The following SLC16A7 variants were observed in gnomAD, a reference collection of about 807,000 sequenced individuals.
SLC16A7 encodes monocarboxylate transporter 2.
A neutral mutation model predicts 34.9 loss-of-function variants in SLC16A7; 33 were observed. The observed-to-expected ratio is 0.94, with a 90% CI of 0.72 to 1.26. The LOEUF (loss-of-function observed/expected upper bound fraction) is 1.26, where lower values mean the gene tolerates loss of function less well. Ranked by LOEUF, SLC16A7 falls within the 50% of genes most tolerant of loss-of-function variation. The probability of loss-of-function intolerance (pLI) is 0.00; values close to 1 mark genes in which losing one functional copy is unlikely to be tolerated. For synonymous variants in SLC16A7, 201 were observed against 206.6 expected (o/e 0.97, Z 0.23); for missense variants, 573 against 578.1 (o/e 0.99, Z 0.09).
intron 1 of SLC16A7, among the ~76,000 whole-genome samples, chr12:59,607,347 TA>T (rs1878992847): frequency 6.6e-6 from 1 of 152,154 alleles, no homozygotes; most frequent in Non-Finnish European, 1.5e-5. Context: ...CACCAATAGA[TA>T]AATTAAAAGT....
At chr12:59,679,096 C>A (rs549902330) in intron 2 of SLC16A7, among the ~76,000 whole-genome samples, 1 of 152,196 alleles carries the variant, frequency 6.6e-6, no homozygotes, top group South Asian at 2.1e-4. Context: ...AGGGGCCTTC[C>A]TAGGCCCCCA....
intron 1 of SLC16A7, among the ~76,000 whole-genome samples, chr12:59,641,660 C>A (rs923026370): frequency 6.6e-6 from 1 of 151,886 alleles, no homozygotes; most frequent in Non-Finnish European, 1.5e-5. Flanking sequence ...AGCCATTTTA[C>A]ATGGATATTT....
At chr12:59,654,423 G>A (rs1034775997) in intron 1 of SLC16A7, among the ~76,000 whole-genome samples, 3 of 151,490 alleles carry the variant, frequency 2.0e-5, no homozygotes, top group African/African-American at 7.3e-5. Context: ...CAATTTTGGG[G>A]TAAATACTAG....
At position 59,720,305 on chromosome 12, in the gene SLC16A7, T is replaced by A. The variant is rs553469058; in HGVS notation, c.217+15287T>A. 4 of 516,138 alleles carry A rather than the reference T, an allele frequency of 7.7e-6. No homozygotes were observed. The Admixed American group carries it at 1.2e-4, about 15-fold the overall frequency. 32.0% of individuals were successfully genotyped at this position (516,138 alleles called of 1,614,324 possible). ...AAATTTGGTCTATGTTTTCTTGAAA[T>A]AGGTTTTTAGTCTTGTGAGACCATA... On this transcript the variant is annotated intron_variant, in intron 3 of 5. Coordinates refer to ENST00000547379, the MANE Select transcript of SLC16A7 (RefSeq NM_001270623.2).
chr12:59,742,441 C>A (rs1034769127), intron 3 of SLC16A7, among the ~76,000 whole-genome samples: 2 of 152,078 alleles, frequency 1.3e-5, no homozygotes, highest in African/African-American at 2.4e-5. Flanking sequence ...GGAGAAAAGC[C>A]CACTCTTGCC....
chr12:59,656,274 A>T (rs554167977), intron 2 of SLC16A7, among the ~76,000 whole-genome samples: 1 of 152,074 alleles, frequency 6.6e-6, no homozygotes, highest in South Asian at 2.1e-4. Context: ...GTTATGTTAC[A>T]TGGTAAAGGG....
At position 59,787,673 on chromosome 12, in the gene SLC16A7, A is replaced by G. The variant is rs972667336; in HGVS notation, c.*7994A>G. 3.3e-5 allele frequency: 5 copies of G among 152,222 alleles called. No homozygotes were observed. The highest frequency in any genetic ancestry group is 7.3e-5 in the Non-Finnish European group (5 of 68,036). The allele number at this position is 152,222 out of a possible 1,614,324, so 9.4% of individuals were successfully genotyped here. A position where few individuals can be genotyped will look rare whatever the true frequency, so the allele number is the denominator to read the frequency against. ...TCATCAAGATATTTACCCTAAAAAC[A>G]CATTTTAATAAAAATTTGGGTAAAC... On this transcript the variant is annotated 3_prime_UTR_variant, in exon 6 of 6. Coordinates refer to ENST00000547379, the MANE Select transcript of SLC16A7 (RefSeq NM_001270623.2).
chr12:59,718,469 T>G (rs1353037325), intron 3 of SLC16A7, among the ~76,000 whole-genome samples: 1 of 152,144 alleles, frequency 6.6e-6, no homozygotes, highest in African/African-American at 2.4e-5. Context: ...TTCCTACTAA[T>G]TGGAATTTTG....
At chr12:59,608,615 G>A (rs1188844721) in intron 1 of SLC16A7, among the ~76,000 whole-genome samples, 1 of 152,086 alleles carries the variant, frequency 6.6e-6, no homozygotes, top group Non-Finnish European at 1.5e-5. Context: ...TAATGTCCTG[G>A]TACAGGAGGA....
chr12:59,753,479 T>G (rs1248496892), intron 3 of SLC16A7, among the ~76,000 whole-genome samples: 1 of 152,084 alleles, frequency 6.6e-6, no homozygotes, highest in Non-Finnish European at 1.5e-5. Flanking sequence ...AAACAGACTT[T>G]AAACCAACAA....
chr12:59,720,638 A>C (rs908794295), intron 3 of SLC16A7, among the ~76,000 whole-genome samples: 1 of 151,546 alleles, frequency 6.6e-6, no homozygotes, highest in Admixed American at 6.6e-5. Flanking sequence ...TCTCCTCCCC[A>C]CTCCTTGTCT....
At chr12:59,676,102 T>C (rs1422994847) in intron 2 of SLC16A7, among the ~76,000 whole-genome samples, 1 of 152,184 alleles carries the variant, frequency 6.6e-6, no homozygotes, top group Non-Finnish European at 1.5e-5. Flanking sequence ...ATATGACTTA[T>C]GGCTTTCTTG....
chr12:59,764,236 G>C (rs1881306297), intron 3 of SLC16A7, among the ~76,000 whole-genome samples: 1 of 152,138 alleles, frequency 6.6e-6, no homozygotes, highest in Admixed American at 6.6e-5. Flanking sequence ...CTAAGCCAGA[G>C]CCTAATCCAG....
At chr12:59,729,984 T>G (rs1876741975) in intron 3 of SLC16A7, among the ~76,000 whole-genome samples, 3 of 152,172 alleles carry the variant, frequency 2.0e-5, no homozygotes, top group African/African-American at 7.2e-5. Flanking sequence ...CTGAGTAGTC[T>G]GCAAGCTTTC....
At chr12:59,599,801 T>G (rs1051665982) in intron 1 of SLC16A7, among the ~76,000 whole-genome samples, 1 of 152,378 alleles carries the variant, frequency 6.6e-6, no homozygotes, top group Admixed American at 6.5e-5. Flanking sequence ...TCATCTGAAC[T>G]ACTTCGTAAC....
At chr12:59,771,419 T>C (rs1194982291) in intron 4 of SLC16A7, 57 bp downstream of exon 4, 2 of 1,186,632 alleles carry the variant, frequency 1.7e-6, no homozygotes, top group Non-Finnish European at 2.3e-6. Flanking sequence ...CAAAGCTCTA[T>C]GAGAAGAATG....
intron 3 of SLC16A7, among the ~76,000 whole-genome samples, chr12:59,770,076 AAC>A (rs1382364262): frequency 6.6e-6 from 1 of 152,146 alleles, no homozygotes; most frequent in Admixed American, 6.6e-5. Flanking sequence ...ACTGAAGTAA[AAC>A]ACAGTTTCTT....
At chr12:59,616,849 A>T (rs925292528) in intron 1 of SLC16A7, among the ~76,000 whole-genome samples, 1 of 152,166 alleles carries the variant, frequency 6.6e-6, no homozygotes, top group African/African-American at 2.4e-5. Flanking sequence ...ACTAGAACTT[A>T]TTTCTATTAT....
chr12:59,603,985 T>C (rs1878816037), intron 1 of SLC16A7, among the ~76,000 whole-genome samples: 1 of 152,250 alleles, frequency 6.6e-6, no homozygotes, highest in Non-Finnish European at 1.5e-5. Flanking sequence ...CTCATTTGAA[T>C]GACATACTCT....
Sources: allele counts gnomAD v4.1 joint callset (sites outside exome capture counted in the v4.1 genomes callset), GRCh38; gene constraint gnomAD v4.1.1; transcripts MANE v1.5; gene names NCBI Gene and HGNC (gene_info 2026-07-23, HGNC 2026-07-21).